The following DHX35 variants were observed in gnomAD, a reference collection of about 807,000 sequenced individuals.
DHX35 encodes DEAH-box helicase 35, also known as probable ATP-dependent RNA helicase DHX35.
DHX35 carries 84 observed loss-of-function variants against 99.6 expected under a neutral mutation model. The observed-to-expected ratio is 0.84, with a 90% CI of 0.71 to 1.01. The LOEUF is 1.01. Ranked by LOEUF, DHX35 falls within the 50% of genes least tolerant of loss-of-function variation. The pLI is 0.00. For synonymous variants in DHX35, 331 were observed against 316.2 expected, an observed-to-expected ratio of 1.05 and a Z score of -0.50; for missense variants, 852 against 888.5, an observed-to-expected ratio of 0.96 and a Z score of 0.52.
chr20:39,025,677 A>G (rs544947225), intron 18 of DHX35, among the ~76,000 whole-genome samples: 1 of 152,360 alleles, frequency 6.6e-6, no homozygotes, highest in African/African-American at 2.4e-5. Flanking sequence ...TGCAAGAAAA[A>G]TTACTTTTTG....
At chr20:38,993,685 CTT>C (rs375593065) in intron 7 of DHX35, among the ~76,000 whole-genome samples, 15 of 141,274 alleles carry the variant, frequency 1.1e-4, no homozygotes, top group Non-Finnish European at 9.2e-5. Context: ...TTTTTCTTTT[CTT>C]TTTTTTTTTT....
chr20:38,965,252 CTTA>C (rs1466297833), intron 1 of DHX35, among the ~76,000 whole-genome samples: 1 of 152,232 alleles, frequency 6.6e-6, no homozygotes, highest in Non-Finnish European at 1.5e-5. Flanking sequence ...ATTTACACAT[CTTA>C]TTAAACAGTC....
rs373726163 is a variant in DHX35, at chr20:39,035,960, T to G, written c.2067+1643T>G. On this transcript the variant is annotated intron_variant, in intron 21 of 21. Transcript: ENST00000252011. The stretch of plus-strand genomic sequence containing the variant: ...CCTGCAGGGACTGATAAAAATGCAG[T>G]GTGTGTTGTCTTTGCTGAATTAGGT... Among the ~76,000 whole-genome samples the G allele has an allele frequency of 5.3e-5, 8 of 152,296 alleles. No homozygotes were observed. In the East Asian group the frequency reaches 1.5e-3, roughly 29 times the overall value.
chr20:38,989,567 C>G (rs1270466805), intron 5 of DHX35, among the ~76,000 whole-genome samples: 6 of 152,112 alleles, frequency 3.9e-5, no homozygotes, highest in African/African-American at 1.4e-4. Flanking sequence ...AGGACCAAGA[C>G]TCAAAGCTGT....
At chr20:38,983,859 G>T (rs2086210844) in intron 4 of DHX35, 83 bp downstream of exon 4, 2 of 1,217,666 alleles carry the variant, frequency 1.6e-6, no homozygotes, top group Admixed American at 2.2e-5. Context: ...GGCTTTAAAT[G>T]AATAGAAGTT....
At chr20:39,038,431 G>A in intron 21 of DHX35, 68 bp from the exon 22 acceptor site, 1 of 1,529,398 alleles carries the variant, frequency 6.5e-7, no homozygotes, top group African/African-American at 1.4e-5. Flanking sequence ...ATTCATATGG[G>A]GATTATGTTG....
Position 38,969,298 on chromosome 20 carries a change from G to A in DHX35, c.174+84G>A, listed in dbSNP as rs150599991. ...ATGCTCAGCACTGAAGGGAATGATG[G>A]CCTCTTTCTAGAACACAGTGAGCTC... On this transcript the variant is annotated intron_variant, in intron 2 of 21. Transcript: ENST00000252011. The A allele has an allele frequency of 3.5e-6, 5 of 1,448,864 alleles. No homozygotes were observed. In the East Asian group the frequency reaches 6.9e-5, roughly 20 times the overall value. The allele number at this position is 1,448,864 out of a possible 1,614,324, so 89.8% of individuals were successfully genotyped here.
chr20:38,989,649 A>C (rs892305116), intron 5 of DHX35, among the ~76,000 whole-genome samples: 8 of 152,194 alleles, frequency 5.3e-5, no homozygotes, highest in Non-Finnish European at 1.2e-4. Context: ...CAAGCCTGTA[A>C]AAGGCTTAAA....
intron 1 of DHX35, among the ~76,000 whole-genome samples, chr20:38,967,599 T>C (rs1174256149): frequency 6.6e-6 from 1 of 152,236 alleles, no homozygotes; most frequent in Non-Finnish European, 1.5e-5. Flanking sequence ...GTTATGTTTC[T>C]CCTGAGTTGT....
At chr20:39,010,184 C>G (rs769853523) in intron 12 of DHX35, 96 bp from the exon 13 acceptor site, 1 of 1,556,228 alleles carries the variant, frequency 6.4e-7, no homozygotes, top group Non-Finnish European at 8.8e-7. Context: ...CCTAGAGACC[C>G]TTGTTCAAGA....
intron 13 of DHX35, among the ~76,000 whole-genome samples, chr20:39,014,226 A>G (rs2086746652): frequency 6.6e-6 from 1 of 152,258 alleles, no homozygotes; most frequent in Non-Finnish European, 1.5e-5. Flanking sequence ...TTTAGAGAGA[A>G]AAAATATGAT....
At chr20:39,032,886 T>C (rs1416628518) in intron 20 of DHX35, among the ~76,000 whole-genome samples, 1 of 152,124 alleles carries the variant, frequency 6.6e-6, no homozygotes, top group East Asian at 1.9e-4. Context: ...AGCACCTTGG[T>C]CGGTTCTGGG....
intron 13 of DHX35, 100 bp from the exon 14 acceptor site, chr20:39,014,780 G>A: frequency 2.2e-6 from 3 of 1,373,320 alleles, no homozygotes; most frequent in Middle Eastern, 1.8e-4. Context: ...GAAGAATGGG[G>A]CATGTTAGAG....
At chr20:39,010,861 T>C (rs1366517255) in intron 13 of DHX35, among the ~76,000 whole-genome samples, 1 of 152,104 alleles carries the variant, frequency 6.6e-6, no homozygotes, top group Non-Finnish European at 1.5e-5. Context: ...CCTGATTGCT[T>C]CCTGAGATGA....
chr20:38,962,510 C>G (rs2085847356), intron 1 of DHX35, 103 bp downstream of exon 1: 7 of 1,415,860 alleles, frequency 4.9e-6, no homozygotes, highest in Non-Finnish European at 6.7e-6. Context: ...CAGGCCTGAC[C>G]TCGGCGAGCT....
intron 15 of DHX35, among the ~76,000 whole-genome samples, chr20:39,020,485 A>C (rs1483850753): frequency 1.3e-5 from 2 of 152,100 alleles, no homozygotes; most frequent in Non-Finnish European, 2.9e-5. Flanking sequence ...AGAAAGTATA[A>C]TTTGTTTTTT....
chr20:38,992,396 A>G lies in DHX35; in HGVS notation c.553A>G (p.Thr185Ala), dbSNP rs2086353453. Residue 185 changes from threonine to alanine, a missense_variant, in exon 7 of 22, where the codon ACT (threonine) becomes GCT (alanine). By Grantham distance (58) the Thr-to-Ala change is moderately conservative (BLOSUM62 0). Transcript: ENST00000252011. ...TGAAGCCCACGAGAGGACCTTGTAC[A>G]CTGACATTGCCATTGGCTTGCTAAA... ...LDEAHERTLY[T>A]DIAIGLLKKI... is the part of the protein sequence containing the mutation. 4 of 1,614,022 alleles carry G rather than the reference A, an allele frequency of 2.5e-6. 1 individual carries two copies. The highest frequency in any genetic ancestry group is 8.5e-7 in the Non-Finnish European group (1 of 1,180,006).
rs748614460 is a variant in DHX35, at chr20:39,003,803, C to T, written c.907C>T (p.Arg303Cys). 3.5e-5 allele frequency: 57 copies of T among 1,614,172 alleles called. 1 individual carries two copies. Among genetic ancestry groups the T allele is most frequent in the Admixed American group, 2.5e-4 (15 of 60,026 alleles). ...MLIEQARALA[R>C]TGMKRHLRVL... ...CATCGAGCAGGCTCGAGCACTAGCT[C>T]GCACTGGGATGAAGAGACACCTCCG... is the stretch of plus-strand genomic sequence containing the variant. Residue 303 changes from arginine to cysteine, a missense_variant, in exon 11 of 22, where the codon CGC becomes TGC. Coordinates refer to ENST00000252011, the MANE Select transcript of DHX35 (RefSeq NM_021931.4).
In DHX35 at chr20:39,025,251, T is replaced by C. The variant is rs778700859; in HGVS notation, c.1693T>C (p.Cys565Arg). Residue 565 changes from cysteine to arginine, a missense_variant, in exon 18 of 22, where the codon TGT becomes CGT. Physicochemically the swap from Cys to Arg is radical, Grantham distance 180. Coordinates refer to ENST00000252011, the MANE Select transcript of DHX35 (RefSeq NM_021931.4). ...GTAGCACAATAAGGACTCTAAATGGTGTCAGGAACATTTCCTGAATTACAA... is the reference window on the plus strand; with the variant it reads ...GTAGCACAATAAGGACTCTAAATGGCGTCAGGAACATTTCCTGAATTACAA... ...FIKHNKDSKWCQEHFLNYKGL... is the reference protein window; with the variant it reads ...FIKHNKDSKWRQEHFLNYKGL... 3 of 1,613,188 alleles carry C rather than the reference T, an allele frequency of 1.9e-6. No individual in the cohort carries two copies. Among genetic ancestry groups the C allele is most frequent in the African/African-American group, 1.3e-5 (1 of 75,004 alleles).
Sources: allele counts gnomAD v4.1 joint callset (sites outside exome capture counted in the v4.1 genomes callset), GRCh38; gene constraint gnomAD v4.1.1; transcripts MANE v1.5; gene names NCBI Gene and HGNC (gene_info 2026-07-23, HGNC 2026-07-21).